KCNK2: variants seen among roughly 807,000 people sequenced by gnomAD.
KCNK2 encodes potassium two pore domain channel subfamily K member 2, also known as potassium channel subfamily K member 2.
KCNK2 carries 21 observed loss-of-function variants against 40.5 expected under a neutral mutation model. The ratio of observed to expected loss-of-function variants is 0.52; its 90% CI spans 0.37 to 0.75. The LOEUF (loss-of-function observed/expected upper bound fraction) is 0.75, where lower values mean the gene tolerates loss of function less well. Ranked by LOEUF, KCNK2 falls within the 30% of genes least tolerant of loss-of-function variation. The pLI, the probability that KCNK2 is intolerant of heterozygous loss-of-function variation, is 0.00. For missense variants in KCNK2, 399 were observed against 531.6 expected (o/e 0.75, Z 2.45); for synonymous variants, 191 against 202.2 (o/e 0.94, Z 0.47).
intron 2 of KCNK2, among the ~76,000 whole-genome samples, chr1:215,117,618 T>G (rs528296335): frequency 1.3e-5 from 2 of 152,288 alleles, no homozygotes; most frequent in South Asian, 4.1e-4. Flanking sequence ...TGCTCAGATA[T>G]TGGCAATTTT....
chr1:215,068,365 G>C (rs1024305148), intron 1 of KCNK2, among the ~76,000 whole-genome samples: 1 of 152,100 alleles, frequency 6.6e-6, no homozygotes, highest in Non-Finnish European at 1.5e-5. Flanking sequence ...TATGAAAATG[G>C]TACAGAGGAC....
chr1:215,175,562 ATGT>A (rs1663929336), intron 5 of KCNK2, among the ~76,000 whole-genome samples: 1 of 151,756 alleles, frequency 6.6e-6, no homozygotes, highest in South Asian at 2.1e-4. Context: ...ATATTGTGCG[ATGT>A]TGAGGTTTGG....
chr1:215,224,242 A>T lies in KCNK2; in HGVS notation c.964-10586A>T, dbSNP rs565549495. ...ATTCAAAATTAGAAATTCAACAATG[A>T]AATTCTAAGTGGGTAACCCCACTTA... On this transcript the variant is annotated intron_variant, in intron 6 of 6. Transcript: ENST00000444842. Among the ~76,000 whole-genome samples the T allele has an allele frequency of 2.0e-4, 30 of 152,242 alleles. No homozygotes were observed. In the South Asian group the frequency reaches 6.2e-3, roughly 32 times the overall value.
intron 5 of KCNK2, among the ~76,000 whole-genome samples, chr1:215,182,772 C>A (rs1266453230): frequency 6.6e-6 from 1 of 152,148 alleles, no homozygotes; most frequent in African/African-American, 2.4e-5. Context: ...TTATGTTTGT[C>A]CAGATTAAAA....
At chr1:215,045,241 A>G (rs574205849) in intron 1 of KCNK2, among the ~76,000 whole-genome samples, 1 of 152,026 alleles carries the variant, frequency 6.6e-6, no homozygotes, top group East Asian at 1.9e-4. Context: ...AACAAAAAAG[A>G]TGAACAGAGT....
chr1:215,005,903 C>T (rs1411703326), exon 1 of KCNK2: 2 of 1,611,844 alleles, frequency 1.2e-6, no homozygotes, highest in Admixed American at 1.7e-5. Flanking sequence ...ATGATGACTC[C>T]TGATGAAAAC....
chr1:215,127,299 T>G (rs1364128087), intron 3 of KCNK2, among the ~76,000 whole-genome samples: 2 of 152,126 alleles, frequency 1.3e-5, no homozygotes, highest in Non-Finnish European at 2.9e-5. Flanking sequence ...TTACTATTCC[T>G]TGGAAATATG....
At chr1:215,123,585 T>C (rs1473518588) in intron 2 of KCNK2, among the ~76,000 whole-genome samples, 2 of 152,212 alleles carry the variant, frequency 1.3e-5, no homozygotes, top group African/African-American at 2.4e-5. Context: ...CTGTTCTTTT[T>C]CATGTGCCTG....
chr1:215,044,165 T>C (rs1657663657), intron 1 of KCNK2, among the ~76,000 whole-genome samples: 1 of 151,926 alleles, frequency 6.6e-6, no homozygotes, highest in Non-Finnish European at 1.5e-5. Context: ...CTTTAATGTG[T>C]TTTTTTTCCA....
At chr1:215,133,791 T>C (rs1156752969) in intron 3 of KCNK2, among the ~76,000 whole-genome samples, 1 of 152,182 alleles carries the variant, frequency 6.6e-6, no homozygotes, top group Non-Finnish European at 1.5e-5. Flanking sequence ...AGTACAATGC[T>C]GACGTGACTT....
chr1:215,105,986 T>G (rs1214238046), intron 2 of KCNK2, among the ~76,000 whole-genome samples: 1 of 152,152 alleles, frequency 6.6e-6, no homozygotes, highest in Non-Finnish European at 1.5e-5. Context: ...TCTTATTCAA[T>G]CTACTATTGA....
intron 1 of KCNK2, among the ~76,000 whole-genome samples, chr1:215,025,065 A>T (rs1656955630): frequency 6.6e-6 from 1 of 150,928 alleles, no homozygotes; most frequent in African/African-American, 2.4e-5. Flanking sequence ...AAGCTATCTG[A>T]TGGTTAAGTG....
chr1:215,042,325 T>C (rs905054745), intron 1 of KCNK2, among the ~76,000 whole-genome samples: 1 of 152,040 alleles, frequency 6.6e-6, no homozygotes, highest in African/African-American at 2.4e-5. Context: ...TCCGTTGCAT[T>C]TTGTAGATGT....
intron 1 of KCNK2, among the ~76,000 whole-genome samples, chr1:215,021,413 G>C (rs1389529351): frequency 1.9e-5 from 1 of 52,050 alleles, no homozygotes; most frequent in South Asian, 3.3e-4. Flanking sequence ...TCGGTGGGCT[G>C]AGTAAGGAAG....
intron 3 of KCNK2, among the ~76,000 whole-genome samples, chr1:215,159,714 A>T (rs1453776523): frequency 6.6e-6 from 1 of 152,188 alleles, no homozygotes; most frequent in Non-Finnish European, 1.5e-5. Context: ...GAGGAACATA[A>T]TATTTACATA....
chr1:215,005,926 T>C, exon 1 of KCNK2: 1 of 1,613,568 alleles, frequency 6.2e-7, no homozygotes, highest in East Asian at 2.2e-5. Context: ...CACCAAATGA[T>C]GAACCCACGA....
chr1:215,022,835 G>C (rs1656854869), intron 1 of KCNK2, among the ~76,000 whole-genome samples: 1 of 152,066 alleles, frequency 6.6e-6, no homozygotes, highest in African/African-American at 2.4e-5. Context: ...ACAAACCCTG[G>C]ATTTCACAAC....
intron 3 of KCNK2, among the ~76,000 whole-genome samples, chr1:215,134,249 C>T (rs1192202470): frequency 1.3e-5 from 2 of 152,130 alleles, no homozygotes; most frequent in Non-Finnish European, 2.9e-5. Flanking sequence ...ACACTGTCTA[C>T]CTGGAATTAG....
chr1:215,188,138 CA>C (rs1288216297), intron 5 of KCNK2, among the ~76,000 whole-genome samples: 12 of 152,098 alleles, frequency 7.9e-5, no homozygotes, highest in African/African-American at 2.9e-4. Flanking sequence ...GAATTCTGAT[CA>C]GTGAAATTGA....
Sources: allele counts gnomAD v4.1 joint callset (sites outside exome capture counted in the v4.1 genomes callset), GRCh38; gene constraint gnomAD v4.1.1; transcripts MANE v1.5; gene names NCBI Gene and HGNC (gene_info 2026-07-23, HGNC 2026-07-21).